The following HMG20A variants were observed in gnomAD, a reference collection of about 807,000 sequenced individuals.
HMG20A encodes the protein high mobility group protein 20A.
A neutral mutation model predicts 43.9 loss-of-function variants in HMG20A; 17 were observed. The ratio of observed to expected loss-of-function variants is 0.39; its 90% CI spans 0.27 to 0.58. The LOEUF (loss-of-function observed/expected upper bound fraction) is 0.58, where lower values mean the gene tolerates loss of function less well. Ranked by LOEUF, HMG20A falls within the 20% of genes least tolerant of loss-of-function variation. The pLI, the probability that HMG20A is intolerant of heterozygous loss-of-function variation, is 0.59. For missense variants in HMG20A, 341 were observed against 438.2 expected, an observed-to-expected ratio of 0.78 and a Z score of 1.98; for synonymous variants, 132 against 147.5, an observed-to-expected ratio of 0.89 and a Z score of 0.76.
At chr15:77,447,015 A>G (rs1295702904) in intron 1 of HMG20A, among the ~76,000 whole-genome samples, 1 of 152,136 alleles carries the variant, frequency 6.6e-6, no homozygotes, top group Non-Finnish European at 1.5e-5. Context: ...CCCAGCTTAT[A>G]TGGACCCACC....
At chr15:77,464,481 T>G (rs1378222375) in intron 3 of HMG20A, 94 bp downstream of exon 3, 2 of 1,274,950 alleles carry the variant, frequency 1.6e-6, no homozygotes, top group Non-Finnish European at 2.2e-6. Context: ...TCATATGACC[T>G]TCTTATATTC....
chr15:77,435,026 A>C (rs1268458752), intron 1 of HMG20A, among the ~76,000 whole-genome samples: 1 of 152,188 alleles, frequency 6.6e-6, no homozygotes, highest in Non-Finnish European at 1.5e-5. Context: ...ATGATCACCA[A>C]GCATAATATC....
chr15:77,438,637 C>T (rs1327234941), intron 1 of HMG20A, among the ~76,000 whole-genome samples: 1 of 152,074 alleles, frequency 6.6e-6, no homozygotes, highest in East Asian at 1.9e-4. Context: ...GGTTTTAATA[C>T]AATAAGATGC....
Position 77,471,791 on chromosome 15 carries a change from C to A in HMG20A, c.592C>A (p.Arg198=). The A allele has an allele frequency of 6.4e-7, 1 of 1,572,500 alleles. No individual in the cohort carries two copies. The highest frequency in any genetic ancestry group is 8.7e-7 in the Non-Finnish European group (1 of 1,148,868). Residue 198 remains arginine, a synonymous_variant, in exon 6 of 10, where the codon CGG becomes AGG. Transcript: ENST00000336216. ...KGKSHRQDAA[R]QATHDHEKET... ...TTCTTTTATATTTTTAGATGCAGCC[C>A]GGCAGGCCACTCATGATCATGAGGT...
At chr15:77,508,718 AG>A in the HMG20A span, among the ~76,000 whole-genome samples, 2 of 152,290 alleles carry the variant, frequency 1.3e-5, no homozygotes, top group South Asian at 2.1e-4. Context: ...CCAGCAAAGC[AG>A]GGCACGCCCC....
At chr15:77,511,479 T>A in the HMG20A span, among the ~76,000 whole-genome samples, 1 of 152,186 alleles carries the variant, frequency 6.6e-6, no homozygotes, top group South Asian at 2.1e-4. Flanking sequence ...TGAAACATCT[T>A]GTTGTTTCAG....
At chr15:77,509,875 C>T in the HMG20A span, among the ~76,000 whole-genome samples, 8 of 151,164 alleles carry the variant, frequency 5.3e-5, no homozygotes, top group South Asian at 1.7e-3. Context: ...CCACTGCGCT[C>T]CAGCCTGGCG....
downstream of HMG20A, among the ~76,000 whole-genome samples, chr15:77,487,595 G>A (rs966629476): frequency 4.6e-5 from 7 of 152,162 alleles, no homozygotes; most frequent in African/African-American, 1.7e-4. Flanking sequence ...ACATAAACAG[G>A]TGGTAATACT....
downstream of HMG20A, among the ~76,000 whole-genome samples, chr15:77,487,325 A>G (rs2072950750): frequency 6.6e-6 from 1 of 152,258 alleles, no homozygotes; most frequent in Non-Finnish European, 1.5e-5. Context: ...AGAGTAGGCA[A>G]CTAATGTTAA....
chr15:77,461,950 T>C (rs2072708904), intron 2 of HMG20A, among the ~76,000 whole-genome samples: 1 of 152,192 alleles, frequency 6.6e-6, no homozygotes, highest in Non-Finnish European at 1.5e-5. Flanking sequence ...GAGAAAATGA[T>C]TGGCATTGAT....
the HMG20A span, among the ~76,000 whole-genome samples, chr15:77,499,987 T>C: frequency 6.6e-6 from 1 of 152,006 alleles, no homozygotes; most frequent in Non-Finnish European, 1.5e-5. Flanking sequence ...CACACCACCA[T>C]GCCCAGCTAA....
At chr15:77,471,086 G>A (rs1468443489) in intron 5 of HMG20A, 44 bp downstream of exon 5, 1 of 1,583,884 alleles carries the variant, frequency 6.3e-7, no homozygotes, top group Non-Finnish European at 8.6e-7. Context: ...TGTTGTGGGT[G>A]ATGGAGTGTC....
chr15:77,517,017 C>T, the HMG20A span, among the ~76,000 whole-genome samples: 1 of 152,212 alleles, frequency 6.6e-6, no homozygotes, highest in Middle Eastern at 3.2e-3. Context: ...CTCGTCCAGA[C>T]CCCTGCTCGA....
chr15:77,471,885 A>T, intron 6 of HMG20A, 71 bp downstream of exon 6: 7 of 638,592 alleles, frequency 1.1e-5, no homozygotes, highest in African/African-American at 2.1e-5. Flanking sequence ...ATGCTATTGG[A>T]TTTTTTTTTT....
chr15:77,513,589 CCT>C, the HMG20A span, among the ~76,000 whole-genome samples: 5 of 152,084 alleles, frequency 3.3e-5, no homozygotes, highest in Admixed American at 3.3e-4. Flanking sequence ...TCTGGTGAGT[CCT>C]CTCTCTCTGG....
At chr15:77,460,884 G>A (rs2072698621) in intron 2 of HMG20A, among the ~76,000 whole-genome samples, 1 of 152,152 alleles carries the variant, frequency 6.6e-6, no homozygotes, top group Non-Finnish European at 1.5e-5. Context: ...TACTCGGGAG[G>A]TTGAGGCAGG....
Position 77,467,259 on chromosome 15 carries a change from A to G in HMG20A, c.402A>G (p.Thr134=). The G allele has an allele frequency of 6.2e-7, 1 of 1,614,124 alleles. No individual in the cohort carries two copies. Among genetic ancestry groups the G allele is most frequent in the Non-Finnish European group, 8.5e-7 (1 of 1,179,996 alleles). The change falls in exon 4 of 10, where the codon ACA becomes ACG. Residue 134 remains threonine, a synonymous_variant. Coordinates refer to ENST00000336216, the MANE Select transcript of HMG20A (RefSeq NM_001304504.2). ...KRPEVPFPEI[T]RMLGNEWSKL... is the part of the protein sequence containing the mutation. ...CAGAAGTCCCATTTCCAGAAATCACAAGGATGTTAGGCAATGAATGGAGTA... is the reference window on the plus strand; with the variant it reads ...CAGAAGTCCCATTTCCAGAAATCACGAGGATGTTAGGCAATGAATGGAGTA...
chr15:77,462,772 C>CTTTTTTTTTTTTTTTTT (rs71145836), intron 2 of HMG20A, among the ~76,000 whole-genome samples: 7 of 127,782 alleles, frequency 5.5e-5, no homozygotes, highest in East Asian at 2.2e-4. Flanking sequence ...TTTTCTTTTT[C>CTTTTTTTTTTTTTTTTT]TTTTTTTTTT....
At chr15:77,507,887 G>T in the HMG20A span, among the ~76,000 whole-genome samples, 1 of 150,648 alleles carries the variant, frequency 6.6e-6, no homozygotes, top group East Asian at 2.0e-4. Flanking sequence ...TGGGGGGGCG[G>T]TGCTGAGCGT....
Sources: gnomAD v4.1 joint callset for allele counts (sites outside exome capture counted in the v4.1 genomes callset) on GRCh38, gnomAD v4.1.1 for gene constraint, MANE v1.5 for transcripts, NCBI Gene and HGNC (gene_info 2026-07-23, HGNC 2026-07-21) for gene names.